ZMAT4: variants seen among roughly 807,000 people sequenced by gnomAD.
ZMAT4 encodes zinc finger matrin-type protein 4.
In ZMAT4, 17 loss-of-function variants were observed where a neutral mutation model predicts 28.7. The ratio of observed to expected loss-of-function variants is 0.59; its 90% CI spans 0.41 to 0.89. The LOEUF (loss-of-function observed/expected upper bound fraction) is 0.89. ZMAT4 is among the 40% of genes least tolerant of loss of function. The pLI is 0.00. For synonymous variants in ZMAT4, 117 were observed against 109.2 expected, an observed-to-expected ratio of 1.07 and a Z score of -0.44; for missense variants, 240 against 283.8, an observed-to-expected ratio of 0.85 and a Z score of 1.11.
At chr8:40,788,280 C>G (rs1814167426) in intron 2 of ZMAT4, among the ~76,000 whole-genome samples, 1 of 146,556 alleles carries the variant, frequency 6.8e-6, no homozygotes, top group Admixed American at 6.7e-5. Flanking sequence ...AAAAAACAAA[C>G]TACCAAAGCT....
At chr8:40,541,817 G>T (rs998006959) in intron 6 of ZMAT4, among the ~76,000 whole-genome samples, 8 of 152,220 alleles carry the variant, frequency 5.3e-5, no homozygotes, top group Admixed American at 2.6e-4. Context: ...GCCTCGAAGT[G>T]CAGGGAGCAG....
intron 1 of ZMAT4, among the ~76,000 whole-genome samples, chr8:40,892,667 C>A (rs1394094973): frequency 6.6e-6 from 1 of 152,246 alleles, no homozygotes; most frequent in African/African-American, 2.4e-5. Flanking sequence ...CCTCCCTCTG[C>A]TATCAGCTCG....
At chr8:40,809,495 A>C (rs1815234388) in intron 2 of ZMAT4, among the ~76,000 whole-genome samples, 1 of 152,230 alleles carries the variant, frequency 6.6e-6, no homozygotes, top group Admixed American at 6.5e-5. Context: ...TTATAAAAAA[A>C]GAAAAGAAAT....
At chr8:40,634,575 A>G (rs942263864) in intron 5 of ZMAT4, among the ~76,000 whole-genome samples, 2 of 152,230 alleles carry the variant, frequency 1.3e-5, no homozygotes, top group Non-Finnish European at 1.5e-5. Flanking sequence ...TCATGCATCA[A>G]GCAGTTATCC....
chr8:40,649,243 AC>A (rs1369471217), intron 5 of ZMAT4, among the ~76,000 whole-genome samples: 1 of 152,134 alleles, frequency 6.6e-6, no homozygotes, highest in Non-Finnish European at 1.5e-5. Context: ...TACCAAGCAA[AC>A]GGAAAACAAA....
At chr8:40,779,460 A>G (rs4403392) in intron 2 of ZMAT4, among the ~76,000 whole-genome samples, 28,746 of 151,854 alleles carry the variant, frequency 0.19, 3,412 homozygotes, top group Middle Eastern at 0.27. Flanking sequence ...AGAGGTTTAC[A>G]TTTCTAGAGG....
At chr8:40,692,423 A>T (rs79526778) in intron 4 of ZMAT4, among the ~76,000 whole-genome samples, 5,899 of 152,340 alleles carry the variant, frequency 0.039, 261 homozygotes, top group East Asian at 0.24. Context: ...TGAAACAATA[A>T]CTTTAAGGGA....
intron 5 of ZMAT4, among the ~76,000 whole-genome samples, chr8:40,594,569 A>G (rs13266512): frequency 6.6e-6 from 1 of 152,200 alleles, no homozygotes; most frequent in African/African-American, 2.4e-5. Context: ...AAGAGTTAAT[A>G]TGAAAATTAA....
chr8:40,604,665 A>C (rs560075530), intron 5 of ZMAT4, among the ~76,000 whole-genome samples: 1 of 152,298 alleles, frequency 6.6e-6, no homozygotes, highest in Admixed American at 6.5e-5. Flanking sequence ...CAACAGAGAT[A>C]TTAATCCGTA....
chr8:40,726,278 C>T (rs1457707132), intron 3 of ZMAT4, among the ~76,000 whole-genome samples: 1 of 152,110 alleles, frequency 6.6e-6, no homozygotes, highest in Non-Finnish European at 1.5e-5. Flanking sequence ...TCAGAGTAAA[C>T]CTGGTTCAAA....
intron 6 of ZMAT4, among the ~76,000 whole-genome samples, chr8:40,565,606 G>A (rs1803895692): frequency 7.3e-6 from 1 of 137,766 alleles, no homozygotes; most frequent in Non-Finnish European, 1.6e-5. Context: ...TCGAACTCCT[G>A]TCTTCAGGTG....
rs537327714 is a variant in ZMAT4, at chr8:40,814,863, A to T, written c.102+10712T>A. On this transcript the variant is annotated intron_variant, in intron 2 of 6. Coordinates refer to ENST00000297737, the MANE Select transcript of ZMAT4 (RefSeq NM_024645.3). Reference sequence around the variant, plus strand: ...AAATGAATGAATAAAATGTTAAAATAACAAATATTCACATATTTATACTCA... The same window carrying T: ...AAATGAATGAATAAAATGTTAAAATTACAAATATTCACATATTTATACTCA... Among the ~76,000 whole-genome samples, 7 of 152,394 alleles carry T rather than the reference A, an allele frequency of 4.6e-5. No individual in the cohort carries two copies. The South Asian group carries it at 1.4e-3, about 32-fold the overall frequency.
intron 3 of ZMAT4, among the ~76,000 whole-genome samples, chr8:40,733,565 G>A (rs1811635496): frequency 6.6e-6 from 1 of 151,982 alleles, no homozygotes; most frequent in Non-Finnish European, 1.5e-5. Context: ...TTGTTGAGCA[G>A]TCATAGCCTA....
At chr8:40,618,058 A>G (rs2589878) in intron 5 of ZMAT4, among the ~76,000 whole-genome samples, 149,678 of 152,304 alleles carry the variant, frequency 0.98, 73,617 homozygotes, top group Middle Eastern at 1. Context: ...AGCTGGATGT[A>G]TGAGTTGGAC....
rs573836205 is a variant in ZMAT4 at position 40,578,766 on chromosome 8, T to C, written c.674+2399A>G. On this transcript the variant is annotated intron_variant, in intron 6 of 6. Coordinates refer to ENST00000297737, the MANE Select transcript of ZMAT4 (RefSeq NM_024645.3). ...TCTTTTGAGTTAGAAATGAATAACA[T>C]CTTATTTATAGGAAAGAAGGCAGCA... Among the ~76,000 whole-genome samples, 23 of 152,304 alleles carry C rather than the reference T, an allele frequency of 1.5e-4. 1 individual carries two copies. Among genetic ancestry groups the C allele is most frequent in the Middle Eastern group, 3.4e-3 (1 of 294 alleles).
chr8:40,724,816 A>AAAGGG (rs1166305243), intron 3 of ZMAT4, among the ~76,000 whole-genome samples: 5 of 152,172 alleles, frequency 3.3e-5, no homozygotes, highest in Non-Finnish European at 5.9e-5. Flanking sequence ...ATCATCTGGA[A>AAAGGG]AAGGGAAAGA....
chr8:40,697,223 C>T (rs11781516), intron 4 of ZMAT4, 22 bp downstream of exon 4: 769,794 of 1,570,664 alleles, frequency 0.49, 190,910 homozygotes, highest in African/African-American at 0.63. Flanking sequence ...GGTCTCCCCA[C>T]GATCACTGTT....
chr8:40,894,817 G>C (rs1484650808), intron 1 of ZMAT4, among the ~76,000 whole-genome samples: 1 of 151,610 alleles, frequency 6.6e-6, no homozygotes, highest in Non-Finnish European at 1.5e-5. Context: ...TACCAAAACA[G>C]CGAACACAAT....
chr8:40,817,895 C>G (rs986539245), intron 2 of ZMAT4, among the ~76,000 whole-genome samples: 6 of 152,160 alleles, frequency 3.9e-5, no homozygotes, highest in African/African-American at 1.4e-4. Context: ...TTCCTTTTAC[C>G]CACACATTTA....
Sources: allele counts gnomAD v4.1 joint callset (sites outside exome capture counted in the v4.1 genomes callset), GRCh38; gene constraint gnomAD v4.1.1; transcripts MANE v1.5; gene names NCBI Gene and HGNC (gene_info 2026-07-23, HGNC 2026-07-21).